The following MARK3 variants were observed in gnomAD, a reference collection of about 807,000 sequenced individuals.
The protein encoded by MARK3 is microtubule affinity regulating kinase 3, also known as MAP/microtubule affinity-regulating kinase 3.
A neutral mutation model predicts 90.1 loss-of-function variants in MARK3; 46 were observed. The ratio of observed to expected loss-of-function variants is 0.51; its 90% CI spans 0.40 to 0.65. MARK3 has a LOEUF of 0.65. Among genes scored for constraint, MARK3 ranks in the 30% least tolerant of loss-of-function variants. MARK3 has a pLI of 0.00. For synonymous variants in MARK3, 321 were observed against 332.6 expected (o/e 0.97, Z 0.38); for missense variants, 818 against 947.2 (o/e 0.86, Z 1.79).
At chr14:103,484,066 T>C (rs1203813804) in intron 14 of MARK3, among the ~76,000 whole-genome samples, 2 of 152,204 alleles carry the variant, frequency 1.3e-5, no homozygotes, top group Non-Finnish European at 1.5e-5. Context: ...CGATTTCATA[T>C]GCTTTAGATA....
chr14:103,419,253 T>A (rs1034885599), intron 2 of MARK3, among the ~76,000 whole-genome samples: 3 of 152,194 alleles, frequency 2.0e-5, no homozygotes, highest in Non-Finnish European at 2.9e-5. Flanking sequence ...ATTGTACCAC[T>A]GTACTCCAGC....
intron 11 of MARK3, 61 bp downstream of exon 11, chr14:103,467,252 T>C: frequency 1.4e-6 from 1 of 732,266 alleles, no homozygotes; most frequent in East Asian, 2.7e-5. Flanking sequence ...ATATAAACTG[T>C]TTTCTTAGTT....
chr14:103,421,367 G>A (rs1367373202), intron 2 of MARK3, among the ~76,000 whole-genome samples: 2 of 152,204 alleles, frequency 1.3e-5, no homozygotes, highest in Non-Finnish European at 2.9e-5. Flanking sequence ...AATGAACAAT[G>A]AGAATTGACT....
chr14:103,426,326 T>C (rs1403650735), intron 2 of MARK3, among the ~76,000 whole-genome samples: 1 of 152,110 alleles, frequency 6.6e-6, no homozygotes, highest in East Asian at 1.9e-4. Context: ...TTGGTAGATA[T>C]TCGTTGATAC....
intron 7 of MARK3, among the ~76,000 whole-genome samples, chr14:103,464,061 G>A (rs1182083334): frequency 6.6e-6 from 1 of 152,156 alleles, no homozygotes; most frequent in Non-Finnish European, 1.5e-5. Context: ...CATCTGGGAA[G>A]CCATTCACAC....
chr14:103,475,551 A>G (rs749721080), intron 13 of MARK3, among the ~76,000 whole-genome samples: 1 of 152,202 alleles, frequency 6.6e-6, no homozygotes, highest in Non-Finnish European at 1.5e-5. Flanking sequence ...TGCTTCCAAC[A>G]TGATGCCTTG....
At chr14:103,451,186 G>C (rs1251098986) in intron 4 of MARK3, among the ~76,000 whole-genome samples, 1 of 151,972 alleles carries the variant, frequency 6.6e-6, no homozygotes, top group Non-Finnish European at 1.5e-5. Context: ...ACCCGCCTCA[G>C]CCTCCCAAAG....
intron 2 of MARK3, among the ~76,000 whole-genome samples, chr14:103,420,790 G>A (rs1035920012): frequency 1.3e-5 from 2 of 152,060 alleles, no homozygotes; most frequent in Admixed American, 1.3e-4. Flanking sequence ...TATGCAGAAC[G>A]GTGAAAAAAT....
At chr14:103,462,033 TAA>T (rs34942342) in intron 6 of MARK3, among the ~76,000 whole-genome samples, 48,274 of 140,158 alleles carry the variant, frequency 0.34, 8,871 homozygotes, top group East Asian at 0.5. Context: ...GAGACTCTGT[TAA>T]AAAAAAAAAA....
intron 15 of MARK3, among the ~76,000 whole-genome samples, chr14:103,493,597 A>G (rs2075136382): frequency 6.6e-6 from 1 of 152,134 alleles, no homozygotes; most frequent in East Asian, 1.9e-4. Context: ...CTTCCTGGCC[A>G]GCCGTGGTGG....
At chr14:103,490,940 A>G in intron 14 of MARK3, 2 of 1,264,534 alleles carry the variant, frequency 1.6e-6, no homozygotes, top group Non-Finnish European at 2.1e-6. Flanking sequence ...CCTGAACCCA[A>G]ACCCCTCCCA....
intron 2 of MARK3, among the ~76,000 whole-genome samples, chr14:103,423,848 A>T (rs896833087): frequency 6.6e-6 from 1 of 152,220 alleles, no homozygotes; most frequent in Non-Finnish European, 1.5e-5. Context: ...AATGAAACAT[A>T]TTTGAGCTCC....
At chr14:103,484,300 C>G (rs2093882869) in intron 14 of MARK3, among the ~76,000 whole-genome samples, 1 of 152,080 alleles carries the variant, frequency 6.6e-6, no homozygotes, top group African/African-American at 2.4e-5. Context: ...GCCTCAGCCT[C>G]CCAGTAGCTG....
chr14:103,461,998 T>C (rs975181925), intron 6 of MARK3, among the ~76,000 whole-genome samples: 9 of 148,364 alleles, frequency 6.1e-5, no homozygotes, highest in Non-Finnish European at 1.2e-4. Flanking sequence ...ATCATGCCAT[T>C]GCACTCTAGC....
intron 3 of MARK3, among the ~76,000 whole-genome samples, chr14:103,448,551 G>A (rs577122333): frequency 2.0e-5 from 3 of 152,200 alleles, no homozygotes; most frequent in East Asian, 1.9e-4. Flanking sequence ...GTTTTGATTC[G>A]CAGAGTTGGG....
chr14:103,431,985 C>A (rs538996366), intron 3 of MARK3, among the ~76,000 whole-genome samples: 5 of 152,072 alleles, frequency 3.3e-5, no homozygotes, highest in African/African-American at 9.6e-5. Flanking sequence ...TTCCCCCCTC[C>A]CACCTGAATT....
At chr14:103,388,648 G>A (rs2089992138) in intron 1 of MARK3, among the ~76,000 whole-genome samples, 1 of 152,164 alleles carries the variant, frequency 6.6e-6, no homozygotes, top group Non-Finnish European at 1.5e-5. Context: ...TTGCCAGAAA[G>A]GTCCCTTATG....
intron 2 of MARK3, among the ~76,000 whole-genome samples, chr14:103,406,275 A>G (rs1229950996): frequency 4.0e-5 from 6 of 151,636 alleles, no homozygotes; most frequent in Non-Finnish European, 8.8e-5. Flanking sequence ...CCAGGCCTGG[A>G]GTGAAGTGGC....
Position 103,385,895 on chromosome 14 carries a change from T to G in MARK3, c.-135T>G, listed in dbSNP as rs2089746286. The G allele has an allele frequency of 1.1e-3, 712 of 622,118 alleles. No individual in the cohort carries two copies. The highest frequency in any genetic ancestry group is 1.8e-3 in the East Asian group (59 of 31,998). The allele number at this position is 622,118 out of a possible 1,614,324, so 38.5% of individuals were successfully genotyped here. Reference sequence around the variant, plus strand: ...GCCAGGCCCGGGATCTAGACGGCCGTAGGGGGAAGGGAGCCGCCCTCCCCA... The same window carrying G: ...GCCAGGCCCGGGATCTAGACGGCCGGAGGGGGAAGGGAGCCGCCCTCCCCA... On this transcript the variant is annotated 5_prime_UTR_variant, in exon 1 of 18. Transcript: ENST00000429436.
Sources: gnomAD v4.1 joint callset for allele counts (sites outside exome capture counted in the v4.1 genomes callset) on GRCh38, gnomAD v4.1.1 for gene constraint, MANE v1.5 for transcripts, NCBI Gene and HGNC (gene_info 2026-07-23, HGNC 2026-07-21) for gene names.